SERPINB12: variants seen among roughly 807,000 people sequenced by gnomAD.
SERPINB12 encodes serpin B12.
Under a neutral mutation model 41.1 loss-of-function variants are expected in SERPINB12, and 57 were observed. That is an observed-to-expected ratio of 1.39 (90% CI 1.12 to 1.73). SERPINB12 has a LOEUF of 1.73. SERPINB12 is among the 40% of genes most tolerant of loss of function. The pLI, the probability that SERPINB12 is intolerant of heterozygous loss-of-function variation, is 0.00. For missense variants in SERPINB12, 536 were observed against 501.9 expected, an observed-to-expected ratio of 1.07 and a Z score of -0.65; for synonymous variants, 180 against 181.3, an observed-to-expected ratio of 0.99 and a Z score of 0.06.
At chr18:63,543,426 G>A (rs1221875401) in intron 1 of SERPINB12, among the ~76,000 whole-genome samples, 1 of 152,056 alleles carries the variant, frequency 6.6e-6, no homozygotes, top group Non-Finnish European at 1.5e-5. Flanking sequence ...AAAGTTCATT[G>A]AGTTGATGTA....
chr18:63,543,909 G>A (rs775309743), intron 1 of SERPINB12, among the ~76,000 whole-genome samples: 1 of 152,120 alleles, frequency 6.6e-6, no homozygotes, highest in Non-Finnish European at 1.5e-5. Flanking sequence ...GAGCCACTGC[G>A]CCCGGGCAAA....
At chr18:63,525,404 A>T in the SERPINB12 span, among the ~76,000 whole-genome samples, 1 of 152,146 alleles carries the variant, frequency 6.6e-6, no homozygotes, top group Non-Finnish European at 1.5e-5. Context: ...TCTTATACCA[A>T]CAGCTTATAA....
At chr18:63,548,425 A>G (rs1384786823) in intron 1 of SERPINB12, among the ~76,000 whole-genome samples, 1 of 152,154 alleles carries the variant, frequency 6.6e-6, no homozygotes, top group Non-Finnish European at 1.5e-5. Context: ...AGTTGAAAAT[A>G]CATTACCCTC....
the SERPINB12 span, among the ~76,000 whole-genome samples, chr18:63,522,450 G>T: frequency 6.6e-6 from 1 of 152,048 alleles, no homozygotes; most frequent in Non-Finnish European, 1.5e-5. Context: ...CAAATTGCAA[G>T]CTGTAGATAA....
the SERPINB12 span, among the ~76,000 whole-genome samples, chr18:63,527,874 T>A: frequency 6.6e-6 from 1 of 152,078 alleles, no homozygotes; most frequent in Non-Finnish European, 1.5e-5. Context: ...CCATATGTTG[T>A]GGGAGGGATC....
intron 5 of SERPINB12, among the ~76,000 whole-genome samples, chr18:63,562,588 C>T (rs747523318): frequency 1.3e-5 from 2 of 152,202 alleles, no homozygotes; most frequent in Non-Finnish European, 2.9e-5. Context: ...TGGGATACCC[C>T]TGCCTGCCTT....
intron 4 of SERPINB12, 122 bp downstream of exon 4, chr18:63,559,840 T>C: frequency 2.0e-6 from 2 of 1,001,950 alleles, no homozygotes; most frequent in Non-Finnish European, 3.0e-6. Context: ...TGATGCGCTG[T>C]GGACTGGTGA....
chr18:63,538,056 A>G (rs1392345414), upstream of SERPINB12, among the ~76,000 whole-genome samples: 1 of 152,152 alleles, frequency 6.6e-6, no homozygotes, highest in Non-Finnish European at 1.5e-5. Context: ...TTATTTGTTG[A>G]ATGACAACTG....
chr18:63,552,214 GT>G (rs1910550527), intron 1 of SERPINB12, among the ~76,000 whole-genome samples: 1 of 152,196 alleles, frequency 6.6e-6, no homozygotes, highest in Admixed American at 6.5e-5. Context: ...TCCTGAAGAA[GT>G]AATTCAGATA....
rs1232180646 is a variant in SERPINB12 at position 63,568,794 on chromosome 18, C to T, written c.*1783C>T. Among the ~76,000 whole-genome samples, 1 of 152,188 alleles carries T rather than the reference C, an allele frequency of 6.6e-6. No individual in the cohort carries two copies. The stretch of plus-strand genomic sequence containing the variant: ...GCTAGCCTCCTCTTCCTTTTCTCAC[C>T]TACCCCAGTGATTTCTTTGTGCTCT... On this transcript the variant is annotated 3_prime_UTR_variant, in exon 8 of 8. Transcript: ENST00000382768.
rs77071326 is a variant in SERPINB12 at position 63,542,373 on chromosome 18, C to T, written c.-138C>T. Among the ~76,000 whole-genome samples the T allele has an allele frequency of 0.032, 4,801 of 152,326 alleles. 298 individuals carry two copies. Among genetic ancestry groups the T allele is most frequent in the East Asian group, 0.29 (1,523 of 5,178 alleles). On this transcript the variant is annotated 5_prime_UTR_variant, in exon 1 of 8. Transcript: ENST00000382768. ...TGACAGAATAGCTTGCTCAATGCCT[C>T]TCCTTATAAGTTTTCACAGGCTGTA...
the SERPINB12 span, among the ~76,000 whole-genome samples, chr18:63,537,050 T>C: frequency 6.6e-6 from 1 of 152,152 alleles, no homozygotes. Context: ...AATGATTATA[T>C]ACTCTTTGGA....
intron 1 of SERPINB12, among the ~76,000 whole-genome samples, chr18:63,554,606 T>G (rs1046029667): frequency 2.0e-5 from 3 of 152,224 alleles, no homozygotes; most frequent in Non-Finnish European, 4.4e-5. Context: ...AGGCATTTCA[T>G]TTGAAAGGCA....
At chr18:63,554,462 C>T (rs1300602465) in intron 1 of SERPINB12, among the ~76,000 whole-genome samples, 3 of 152,154 alleles carry the variant, frequency 2.0e-5, no homozygotes, top group African/African-American at 7.2e-5. Flanking sequence ...AAACAAATTA[C>T]ACCATTCCAT....
At chr18:63,533,869 G>A in the SERPINB12 span, among the ~76,000 whole-genome samples, 21 of 151,314 alleles carry the variant, frequency 1.4e-4, no homozygotes, top group Non-Finnish European at 2.8e-4. Flanking sequence ...TTTCCTAGAT[G>A]TAAACTTTTT....
At chr18:63,526,403 A>G in the SERPINB12 span, among the ~76,000 whole-genome samples, 2 of 151,994 alleles carry the variant, frequency 1.3e-5, no homozygotes, top group African/African-American at 4.8e-5. Context: ...GAATTACTGG[A>G]CTCTACTGAT....
At chr18:63,530,272 C>G in the SERPINB12 span, among the ~76,000 whole-genome samples, 1 of 152,148 alleles carries the variant, frequency 6.6e-6, no homozygotes, top group African/African-American at 2.4e-5. Context: ...GATGTCTTTG[C>G]CCTGATTAGT....
chr18:63,523,746 A>T, the SERPINB12 span, among the ~76,000 whole-genome samples: 1 of 152,224 alleles, frequency 6.6e-6, no homozygotes, highest in Admixed American at 6.5e-5. Context: ...TCACAGCAGC[A>T]GATTAATAAA....
intron 1 of SERPINB12, among the ~76,000 whole-genome samples, chr18:63,549,926 C>G (rs111934692): frequency 0.036 from 5,432 of 152,278 alleles, 340 homozygotes; most frequent in African/African-American, 0.12. Context: ...TTTGAAATCA[C>G]ACTGAAAGAA....
Sources: gnomAD v4.1 joint callset for allele counts (sites outside exome capture counted in the v4.1 genomes callset) on GRCh38, gnomAD v4.1.1 for gene constraint, MANE v1.5 for transcripts, NCBI Gene and HGNC (gene_info 2026-07-23, HGNC 2026-07-21) for gene names.